Variants in PTPRG observed in about 807,000 individuals in gnomAD.
The protein encoded by PTPRG is protein tyrosine phosphatase receptor type G.
Under a neutral mutation model 165.3 loss-of-function variants are expected in PTPRG, and 102 were observed. The observed-to-expected ratio is 0.62, with a 90% CI of 0.53 to 0.73. The LOEUF is 0.73. PTPRG is among the 30% of genes least tolerant of loss of function. The pLI, the probability that PTPRG is intolerant of heterozygous loss-of-function variation, is 0.00. For missense variants in PTPRG, 1,866 were observed against 1,861.4 expected (o/e 1.00, Z -0.05); for synonymous variants, 675 against 669.5 (o/e 1.01, Z -0.13).
chr3:61,779,259 A>C (rs1380296601), intron 2 of PTPRG, among the ~76,000 whole-genome samples: 1 of 152,174 alleles, frequency 6.6e-6, no homozygotes, highest in Admixed American at 6.5e-5. Flanking sequence ...CAAACTGGGG[A>C]AACATCAGAT....
At chr3:61,813,785 A>C (rs1398678453) in intron 2 of PTPRG, among the ~76,000 whole-genome samples, 2 of 152,098 alleles carry the variant, frequency 1.3e-5, no homozygotes, top group African/African-American at 4.8e-5. Flanking sequence ...CAAAAGAAGC[A>C]AGGTCTCGAA....
intron 8 of PTPRG, among the ~76,000 whole-genome samples, chr3:62,184,389 G>A (rs1213507869): frequency 6.6e-6 from 1 of 152,188 alleles, no homozygotes; most frequent in Non-Finnish European, 1.5e-5. Flanking sequence ...CAGGTTTGAA[G>A]TCCTACGCGG....
At chr3:61,619,187 A>C (rs1162139160) in intron 1 of PTPRG, among the ~76,000 whole-genome samples, 1 of 152,044 alleles carries the variant, frequency 6.6e-6, no homozygotes, top group African/African-American at 2.4e-5. Flanking sequence ...GTACCTTAGC[A>C]TACAGAGCCT....
intron 2 of PTPRG, among the ~76,000 whole-genome samples, chr3:61,973,454 G>A (rs970308373): frequency 1.7e-4 from 26 of 152,136 alleles, no homozygotes; most frequent in African/African-American, 6.3e-4. Flanking sequence ...CTGCTTACTG[G>A]CAAGCTGTGG....
At chr3:61,703,182 G>C (rs1292317137) in intron 1 of PTPRG, among the ~76,000 whole-genome samples, 2 of 151,420 alleles carry the variant, frequency 1.3e-5, no homozygotes, top group Admixed American at 6.6e-5. Context: ...TGAAAGTTCA[G>C]TGGACTGGCA....
chr3:62,004,694 A>G, intron 4 of PTPRG, among the ~76,000 whole-genome samples: 1 of 152,152 alleles, frequency 6.6e-6, no homozygotes, highest in East Asian at 1.9e-4. Flanking sequence ...CCGGACCTAG[A>G]CCGAACCCCT....
In PTPRG at chr3:61,855,670, TTA is replaced by T. The variant is rs71629147; in HGVS notation, c.190+106689_190+106690del. Reference sequence around the variant, plus strand: ...GTAGGCCTTTTTTTTTTTTTTTTTTTTAAAAGCAAAGCACTGATTTAATTATA... The same window carrying T: ...GTAGGCCTTTTTTTTTTTTTTTTTTTAAAGCAAAGCACTGATTTAATTATA... On this transcript the variant is annotated intron_variant, in intron 2 of 29. Coordinates refer to ENST00000474889, the MANE Select transcript of PTPRG (RefSeq NM_002841.4). Among the ~76,000 whole-genome samples the T allele has an allele frequency of 2.7e-3, 402 of 146,492 alleles. 1 individual carries two copies. The highest frequency in any genetic ancestry group is 7.1e-3 in the Middle Eastern group (2 of 280).
At chr3:61,789,983 A>C (rs1236614082) in intron 2 of PTPRG, among the ~76,000 whole-genome samples, 1 of 152,180 alleles carries the variant, frequency 6.6e-6, no homozygotes, top group Non-Finnish European at 1.5e-5. Flanking sequence ...CATTTTCAGC[A>C]GCTGTTTCCT....
rs895988077 is a variant in PTPRG, at chr3:62,240,640, C to G, written c.2376-3167C>G. On this transcript the variant is annotated intron_variant, in intron 14 of 29. Coordinates refer to ENST00000474889, the MANE Select transcript of PTPRG (RefSeq NM_002841.4). This position sits in a 1 kb window ranked among gnomAD's most constrained non-coding sequence, Gnocchi z 5.1. ...GCTCTGGCCCACCTCTCCAACCTTG[C>G]TTTCCACAGCCTTTCCCTTGCCTCT... Among the ~76,000 whole-genome samples the G allele has an allele frequency of 2.0e-5, 3 of 152,218 alleles. No homozygotes were observed. The highest frequency in any genetic ancestry group is 4.4e-5 in the Non-Finnish European group (3 of 68,044).
In PTPRG at chr3:62,112,076, A is replaced by G. The variant is rs572833349; in HGVS notation, c.616-20526A>G. Among the ~76,000 whole-genome samples, 117 of 152,152 alleles carry G rather than the reference A, an allele frequency of 7.7e-4. 2 individuals carry two copies. The South Asian group carries it at 0.024, about 31-fold the overall frequency. On this transcript the variant is annotated intron_variant, in intron 5 of 29. Transcript: ENST00000474889. ...CCAGAAACACCATGGCCCCAGGTTG[A>G]AGCCCAGTCACTACCACTTTCTTTT... is the stretch of plus-strand genomic sequence containing the variant.
intron 7 of PTPRG, among the ~76,000 whole-genome samples, chr3:62,163,566 G>C (rs1479865177): frequency 6.6e-6 from 1 of 152,134 alleles, no homozygotes; most frequent in Non-Finnish European, 1.5e-5. Context: ...GAAGTACCTG[G>C]CATGTCATAG....
chr3:61,917,867 G>C (rs975541206), intron 2 of PTPRG, among the ~76,000 whole-genome samples: 1 of 152,134 alleles, frequency 6.6e-6, no homozygotes, highest in Non-Finnish European at 1.5e-5. Context: ...AAGAGGTGGA[G>C]GTTGCAGTGA....
At chr3:62,099,959 C>T (rs997375733) in intron 5 of PTPRG, among the ~76,000 whole-genome samples, 44 of 151,750 alleles carry the variant, frequency 2.9e-4, no homozygotes, top group African/African-American at 1.0e-3. Flanking sequence ...CCACCAAGCC[C>T]GGCTAATTTT....
chr3:61,952,321 T>G (rs2039920350), intron 2 of PTPRG, among the ~76,000 whole-genome samples: 1 of 152,082 alleles, frequency 6.6e-6, no homozygotes, highest in South Asian at 2.1e-4. Context: ...GGGAACTCTT[T>G]ACAGGTTTGT....
intron 2 of PTPRG, among the ~76,000 whole-genome samples, chr3:61,954,529 A>T (rs72885835): frequency 7.0e-4 from 107 of 152,244 alleles, no homozygotes; most frequent in African/African-American, 2.5e-3. Context: ...GAGGTAAGCA[A>T]TAGGGACCTT....
At chr3:62,135,778 C>T (rs564532027) in intron 6 of PTPRG, among the ~76,000 whole-genome samples, 13 of 152,230 alleles carry the variant, frequency 8.5e-5, no homozygotes, top group Admixed American at 2.6e-4. Flanking sequence ...AGGTCTGACA[C>T]CTCTGCAAGG....
chr3:62,109,729 G>T (rs1401459610), intron 5 of PTPRG, among the ~76,000 whole-genome samples: 1 of 152,154 alleles, frequency 6.6e-6, no homozygotes, highest in Non-Finnish European at 1.5e-5. Flanking sequence ...GGCCCAACCA[G>T]TGCCACTCAT....
At position 61,562,699 on chromosome 3, in the gene PTPRG, G is replaced by A. The variant is rs531909133; in HGVS notation, c.85+327G>A. 1.3e-3 allele frequency among the ~76,000 whole-genome samples: 203 copies of A among 152,144 alleles called. 2 individuals are homozygous for A. Among genetic ancestry groups the A allele is most frequent in the African/African-American group, 4.6e-3 (193 of 41,524 alleles). ...TTGCTTTGCTGACTCGTCGCCGATCGGGAGAACTCGAGTTGTGGGGCGGTT... is the reference window on the plus strand; with the variant it reads ...TTGCTTTGCTGACTCGTCGCCGATCAGGAGAACTCGAGTTGTGGGGCGGTT... On this transcript the variant is annotated intron_variant, in intron 1 of 29. Coordinates refer to ENST00000474889, the MANE Select transcript of PTPRG (RefSeq NM_002841.4).
intron 5 of PTPRG, among the ~76,000 whole-genome samples, chr3:62,130,283 G>T (rs1703466045): frequency 6.6e-6 from 1 of 152,144 alleles, no homozygotes; most frequent in Non-Finnish European, 1.5e-5. Context: ...GGCTAACTTG[G>T]AATTCTTCAT....
Sources: allele counts gnomAD v4.1 joint callset (sites outside exome capture counted in the v4.1 genomes callset), GRCh38; gene constraint gnomAD v4.1.1; non-coding constraint Gnocchi (gnomAD v3.1); transcripts MANE v1.5; gene names NCBI Gene and HGNC (gene_info 2026-07-23, HGNC 2026-07-21).